Variants in SLC9A4 observed in about 807,000 individuals in gnomAD.
SLC9A4 encodes solute carrier family 9 member A4.
SLC9A4 carries 63 observed loss-of-function variants against 67.4 expected under a neutral mutation model. The ratio of observed to expected loss-of-function variants is 0.93; its 90% CI spans 0.76 to 1.15. The LOEUF is 1.15. SLC9A4 is among the 50% of genes most tolerant of loss of function. SLC9A4 has a pLI of 0.00. For missense variants in SLC9A4, 1,089 were observed against 987.7 expected (o/e 1.10, Z -1.38); for synonymous variants, 393 against 367.2 (o/e 1.07, Z -0.80).
At chr2:102,517,112 A>AAC (rs1377502789) in intron 8 of SLC9A4, among the ~76,000 whole-genome samples, 1 of 152,172 alleles carries the variant, frequency 6.6e-6, no homozygotes, top group Non-Finnish European at 1.5e-5. Context: ...TCCACAATGG[A>AAC]ACACTGTATT....
Position 102,479,107 on chromosome 2 carries a change from C to A in SLC9A4, c.525C>A (p.Leu175=), listed in dbSNP as rs759255582. 1.2e-6 allele frequency: 2 copies of A among 1,614,180 alleles called. No individual in the cohort carries two copies. The highest frequency in any genetic ancestry group is 1.7e-6 in the Non-Finnish European group (2 of 1,180,010). ...GALINALGIG[L]SLYLICQVKA... ...TGATCAACGCCTTGGGCATTGGCCT[C>A]TCCCTCTACCTCATCTGCCAGGTGA... Residue 175 remains leucine, a synonymous_variant, in exon 2 of 12, where the codon CTC becomes CTA. Transcript: ENST00000295269.
chr2:102,498,947 G>A (rs552853842), intron 2 of SLC9A4, among the ~76,000 whole-genome samples: 25 of 152,218 alleles, frequency 1.6e-4, no homozygotes, highest in Non-Finnish European at 3.1e-4. Flanking sequence ...AGAAACTCCT[G>A]TGAGGGAAAA....
At chr2:102,494,837 A>G (rs904040648) in intron 2 of SLC9A4, among the ~76,000 whole-genome samples, 6 of 152,172 alleles carry the variant, frequency 3.9e-5, no homozygotes, top group African/African-American at 1.4e-4. Flanking sequence ...AAATACATGA[A>G]TTAAAAATTG....
intron 8 of SLC9A4, among the ~76,000 whole-genome samples, chr2:102,519,400 T>A (rs747682196): frequency 6.6e-6 from 1 of 151,938 alleles, no homozygotes; most frequent in Admixed American, 6.6e-5. Flanking sequence ...GAATTGCTTG[T>A]CACCTGTCCT....
rs377276813 is a variant in SLC9A4 at position 102,473,777 on chromosome 2, C to T, written c.18C>T (p.Phe6=). The T allele has an allele frequency of 1.0e-4, 165 of 1,613,772 alleles. No individual in the cohort carries two copies. Among genetic ancestry groups the T allele is most frequent in the Non-Finnish European group, 1.3e-4 (158 of 1,179,898 alleles). The change falls in exon 1 of 12, where the codon TTC becomes TTT. Residue 6 remains phenylalanine, a synonymous_variant. Coordinates refer to ENST00000295269, the MANE Select transcript of SLC9A4 (RefSeq NM_001011552.4). ...CCACAGGAATGGCTCTGCAGATGTT[C>T]GTGACTTACAGTCCTTGGAATTGTT... The part of the protein sequence containing the change: MALQM[F]VTYSPWNCLL...
intron 8 of SLC9A4, among the ~76,000 whole-genome samples, chr2:102,518,204 A>G (rs1186216672): frequency 6.6e-6 from 1 of 152,236 alleles, no homozygotes; most frequent in Non-Finnish European, 1.5e-5. Context: ...CAAAGTGGTC[A>G]GTTATAAACT....
At chr2:102,475,805 T>C (rs1198775750) in intron 1 of SLC9A4, among the ~76,000 whole-genome samples, 1 of 152,208 alleles carries the variant, frequency 6.6e-6, no homozygotes, top group Non-Finnish European at 1.5e-5. Context: ...ACTGGGCTGG[T>C]AGTTTTATGT....
At chr2:102,485,798 C>T (rs371732692) in intron 2 of SLC9A4, among the ~76,000 whole-genome samples, 11 of 152,316 alleles carry the variant, frequency 7.2e-5, no homozygotes, top group African/African-American at 2.6e-4. Context: ...CTCAAGCCCC[C>T]AAGAGGGAGC....
At chr2:102,531,714 C>T (rs1674782412) in intron 11 of SLC9A4, among the ~76,000 whole-genome samples, 1 of 152,162 alleles carries the variant, frequency 6.6e-6, no homozygotes, top group Admixed American at 6.5e-5. Context: ...CAGTGACAGG[C>T]ATATAGTAAA....
At chr2:102,511,054 A>C (rs747353433) in intron 6 of SLC9A4, among the ~76,000 whole-genome samples, 9 of 152,254 alleles carry the variant, frequency 5.9e-5, no homozygotes, top group Non-Finnish European at 1.2e-4. Context: ...AACATGTGGC[A>C]TAGTTGCTGC....
rs748141145 is a variant in SLC9A4, at chr2:102,495,062, T to A, written c.721-8386T>A. On this transcript the variant is annotated intron_variant, in intron 2 of 11. Coordinates refer to ENST00000295269, the MANE Select transcript of SLC9A4 (RefSeq NM_001011552.4). ...TTTCAAGGGCTTATGGTATGCTTAA[T>A]AAAAATGGCCATACATTTGACAACT... is the stretch of plus-strand genomic sequence containing the variant. Among the ~76,000 whole-genome samples, 43 of 152,178 alleles carry A rather than the reference T, an allele frequency of 2.8e-4. 1 individual carries two copies. The highest frequency in any genetic ancestry group is 1.5e-3 in the Admixed American group (23 of 15,296).
rs763959086 is a variant in SLC9A4 at position 102,525,147 on chromosome 2, G to A, written c.1942G>A (p.Gly648Arg). 8 of 1,613,892 alleles carry A rather than the reference G, an allele frequency of 5.0e-6. No homozygotes were observed. In the Admixed American group the frequency reaches 8.3e-5, roughly 17 times the overall value. The change falls in exon 10 of 12, where the codon GGA (glycine) becomes AGA (arginine). Residue 648 changes from glycine to arginine, a missense_variant. Coordinates refer to ENST00000295269, the MANE Select transcript of SLC9A4 (RefSeq NM_001011552.4). Reference sequence around the variant, plus strand: ...GAGGAAAGGTCACAGCCTGCCCTGGGGAAAGCCGGTACATTGGGGCTGGGG... The same window carrying A: ...GAGGAAAGGTCACAGCCTGCCCTGGAGAAAGCCGGTACATTGGGGCTGGGG... ...SMRKGHSLPW[G>R]KPAGTKNIRY...
At chr2:102,518,852 G>A (rs1250410041) in intron 8 of SLC9A4, among the ~76,000 whole-genome samples, 1 of 152,000 alleles carries the variant, frequency 6.6e-6, no homozygotes, top group Non-Finnish European at 1.5e-5. Context: ...CAAAAGAGCT[G>A]AGGCTAGAAA....
At chr2:102,481,297 T>C (rs929861254) in intron 2 of SLC9A4, among the ~76,000 whole-genome samples, 118 of 152,336 alleles carry the variant, frequency 7.7e-4, no homozygotes, top group African/African-American at 2.7e-3. Flanking sequence ...TTTTCTTATA[T>C]CTTTGACAAG....
chr2:102,508,405 T>A (rs767476994), intron 5 of SLC9A4, 124 bp downstream of exon 5: 4 of 882,948 alleles, frequency 4.5e-6, no homozygotes, highest in Non-Finnish European at 5.0e-6. Context: ...CAAACTAAAT[T>A]TCCGGAGATT....
chr2:102,508,775 T>C lies in SLC9A4; in HGVS notation c.1402-72T>C, dbSNP rs13001718. ...TAGATTGGACATTCTAATAGTTTTG[T>C]TAATAAATTTGCTCTCTCTAGTGAC... is the stretch of plus-strand genomic sequence containing the variant. On this transcript the variant is annotated intron_variant, in intron 5 of 11. Transcript: ENST00000295269. 18 of 1,120,252 alleles carry C rather than the reference T, an allele frequency of 1.6e-5. No homozygotes were observed. The African/African-American group carries it at 2.8e-4, about 18-fold the overall frequency. The allele number at this position is 1,120,252 out of a possible 1,614,324, so 69.4% of individuals were successfully genotyped here.
intron 11 of SLC9A4, among the ~76,000 whole-genome samples, chr2:102,531,412 A>G (rs1674777074): frequency 6.6e-6 from 1 of 152,160 alleles, no homozygotes; most frequent in Admixed American, 6.5e-5. Flanking sequence ...CTGGAAGAGA[A>G]TCCAAGAGGG....
At chr2:102,511,967 C>T (rs750991280) in intron 6 of SLC9A4, among the ~76,000 whole-genome samples, 1 of 151,956 alleles carries the variant, frequency 6.6e-6, no homozygotes, top group African/African-American at 2.4e-5. Context: ...GTTTTCATTA[C>T]GTATTATGTG....
intron 8 of SLC9A4, among the ~76,000 whole-genome samples, chr2:102,517,873 A>G (rs183081643): frequency 1.4e-3 from 216 of 152,330 alleles, no homozygotes; most frequent in African/African-American, 4.7e-3. Flanking sequence ...ATAATGAATG[A>G]ATGGTCCAGT....
Sources: allele counts gnomAD v4.1 joint callset (sites outside exome capture counted in the v4.1 genomes callset), GRCh38; gene constraint gnomAD v4.1.1; transcripts MANE v1.5; gene names NCBI Gene and HGNC (gene_info 2026-07-23, HGNC 2026-07-21).